Variants in AUTS2 observed in about 807,000 individuals in gnomAD.
AUTS2 encodes the protein activator of transcription and developmental regulator AUTS2.
In AUTS2, 17 loss-of-function variants were observed where a neutral mutation model predicts 112.4. The ratio of observed to expected loss-of-function variants is 0.15; its 90% CI spans 0.10 to 0.23. The LOEUF is 0.23. AUTS2 is among the 10% of genes least tolerant of loss of function. AUTS2 has a pLI of 1.00. For missense variants in AUTS2, 1,510 were observed against 1,701.6 expected (o/e 0.89, Z 1.98); for synonymous variants, 751 against 702.7 (o/e 1.07, Z -1.09).
intron 5 of AUTS2, among the ~76,000 whole-genome samples, chr7:70,493,306 G>T (rs1265225732): frequency 6.6e-6 from 1 of 152,204 alleles, no homozygotes; most frequent in Non-Finnish European, 1.5e-5. Context: ...TCTTTGAATA[G>T]ATCTTGCATG....
chr7:70,340,501 C>T (rs912990085), intron 4 of AUTS2, among the ~76,000 whole-genome samples: 5 of 151,986 alleles, frequency 3.3e-5, no homozygotes, highest in East Asian at 3.9e-4. Context: ...ATCCAAACAC[C>T]GAGAAGTCAA....
chr7:70,677,691 G>C (rs1416844470), intron 5 of AUTS2, among the ~76,000 whole-genome samples: 6 of 152,036 alleles, frequency 3.9e-5, no homozygotes, highest in Non-Finnish European at 8.8e-5. Flanking sequence ...CCAAGGTTCT[G>C]GGATTATAGG....
At chr7:69,702,124 A>G (rs912050741) in intron 1 of AUTS2, among the ~76,000 whole-genome samples, 11 of 152,180 alleles carry the variant, frequency 7.2e-5, no homozygotes, top group African/African-American at 2.4e-4. Context: ...AAGCAGCTCA[A>G]TGGAGAGGGT....
intron 4 of AUTS2, among the ~76,000 whole-genome samples, chr7:70,380,193 G>A (rs898538721): frequency 6.6e-6 from 1 of 152,172 alleles, no homozygotes; most frequent in Non-Finnish European, 1.5e-5. Context: ...AAGGACTTAG[G>A]TATTTGGCAC....
At chr7:69,936,633 G>A (rs908696554) in intron 2 of AUTS2, among the ~76,000 whole-genome samples, 2 of 152,230 alleles carry the variant, frequency 1.3e-5, no homozygotes, top group African/African-American at 4.8e-5. Flanking sequence ...ACAGGCGTGA[G>A]CCACTGTGCC....
intron 1 of AUTS2, among the ~76,000 whole-genome samples, chr7:69,779,472 T>C (rs1292084584): frequency 6.6e-6 from 1 of 151,954 alleles, no homozygotes; most frequent in Admixed American, 6.6e-5. Flanking sequence ...TTAAAAAATA[T>C]ATAGATAGAA....
At chr7:70,787,763 GAATC>G (rs1221196924) in intron 18 of AUTS2, among the ~76,000 whole-genome samples, 1 of 152,216 alleles carries the variant, frequency 6.6e-6, no homozygotes, top group African/African-American at 2.4e-5. Context: ...CACACAGCAT[GAATC>G]AATTCCATAT....
intron 4 of AUTS2, among the ~76,000 whole-genome samples, chr7:70,416,687 C>G (rs1795000113): frequency 6.6e-6 from 1 of 152,232 alleles, no homozygotes; most frequent in Non-Finnish European, 1.5e-5. Flanking sequence ...CGCCTACAAC[C>G]TCATCCCAGC....
chr7:69,744,703 G>T (rs889597647), intron 1 of AUTS2, among the ~76,000 whole-genome samples: 2 of 152,004 alleles, frequency 1.3e-5, no homozygotes, highest in Non-Finnish European at 2.9e-5. Flanking sequence ...CGATGTGGTG[G>T]CATATGCCTG....
At chr7:70,670,797 GT>G (rs1159591970) in intron 5 of AUTS2, among the ~76,000 whole-genome samples, 1 of 152,132 alleles carries the variant, frequency 6.6e-6, no homozygotes, top group African/African-American at 2.4e-5. Context: ...CCCGCATCCT[GT>G]TTTTTGGAAT....
chr7:70,670,407 A>T (rs1426461432), intron 5 of AUTS2, among the ~76,000 whole-genome samples: 1 of 152,218 alleles, frequency 6.6e-6, no homozygotes, highest in Admixed American at 6.5e-5. Context: ...TTGAATAAGG[A>T]GGCTGAAAAT....
chr7:69,995,748 C>G (rs1188611804), intron 2 of AUTS2, among the ~76,000 whole-genome samples: 2 of 152,130 alleles, frequency 1.3e-5, no homozygotes, highest in Admixed American at 1.3e-4. Context: ...CTTCTCAACC[C>G]ATAGAATTCC....
chr7:70,611,510 G>A (rs1804091853), intron 5 of AUTS2, among the ~76,000 whole-genome samples: 1 of 152,200 alleles, frequency 6.6e-6, no homozygotes, highest in African/African-American at 2.4e-5. Context: ...GCTTTGATGT[G>A]AGAAAGAGAA....
chr7:69,610,570 C>G (rs1353801251), intron 1 of AUTS2, among the ~76,000 whole-genome samples: 1 of 152,134 alleles, frequency 6.6e-6, no homozygotes, highest in Non-Finnish European at 1.5e-5. Context: ...TCCCGGTGCT[C>G]TGTTCCCCGT....
chr7:69,726,321 T>C (rs1051596582), intron 1 of AUTS2, among the ~76,000 whole-genome samples: 18 of 152,252 alleles, frequency 1.2e-4, no homozygotes, highest in Admixed American at 1.1e-3. Context: ...GTGTTTGCCT[T>C]CTTCTGTTAA....
At chr7:70,083,002 A>G (rs150908421) in intron 2 of AUTS2, among the ~76,000 whole-genome samples, 136 of 152,224 alleles carry the variant, frequency 8.9e-4, no homozygotes, top group Non-Finnish European at 1.7e-3. Context: ...GGAGCTTTCA[A>G]TTTTCTGACC....
chr7:70,118,398 A>G (rs1439872660), intron 3 of AUTS2, 165 bp downstream of exon 3: 7 of 818,290 alleles, frequency 8.6e-6, no homozygotes, highest in Non-Finnish European at 8.6e-6. Flanking sequence ...TTATTTGAGC[A>G]TTGTAGTTAT....
chr7:69,699,529 T>C (rs1797709252), intron 1 of AUTS2, among the ~76,000 whole-genome samples: 1 of 152,190 alleles, frequency 6.6e-6, no homozygotes, highest in Non-Finnish European at 1.5e-5. Flanking sequence ...TATTCCTTTT[T>C]ATAGCTGCTT....
chr7:69,659,467 T>C (rs910033368), intron 1 of AUTS2, among the ~76,000 whole-genome samples: 7 of 148,882 alleles, frequency 4.7e-5, no homozygotes, highest in South Asian at 4.2e-4. Context: ...TTTTTTTTTT[T>C]CAAAACGCCG....
Sources: gnomAD v4.1 joint callset for allele counts (sites outside exome capture counted in the v4.1 genomes callset) on GRCh38, gnomAD v4.1.1 for gene constraint, MANE v1.5 for transcripts, NCBI Gene and HGNC (gene_info 2026-07-23, HGNC 2026-07-21) for gene names.